USP20: variants seen among roughly 807,000 people sequenced by gnomAD.
The protein encoded by USP20 is ubiquitin carboxyl-terminal hydrolase 20.
Under a neutral mutation model 124.2 loss-of-function variants are expected in USP20, and 80 were observed. That is an observed-to-expected ratio of 0.64 (90% confidence interval 0.54 to 0.78). The LOEUF is 0.78. Among genes scored for constraint, USP20 ranks in the 30% least tolerant of loss-of-function variants. The pLI is 0.00. For synonymous variants in USP20, 481 were observed against 512.3 expected, an observed-to-expected ratio of 0.94 and a Z score of 0.83; for missense variants, 1,043 against 1,244.4, an observed-to-expected ratio of 0.84 and a Z score of 2.44.
In USP20 at chr9:129,875,606, C is replaced by A; in HGVS notation, c.2265C>A (p.Ile755=). The change falls in exon 21 of 26, where the codon ATC becomes ATA. Residue 755 remains isoleucine, a synonymous_variant. Transcript: ENST00000372429. ...ACTACATCGACGACCTGGTGGTCAT[C>A]CTGCCCCAGAACGTCTGGGAGCACC... The part of the protein sequence containing the change: ...KYHYIDDLVV[I]LPQNVWEHLY... 2 of 1,614,090 alleles carry A rather than the reference C, an allele frequency of 1.2e-6. No homozygotes were observed. The highest frequency in any genetic ancestry group is 2.2e-5 in the South Asian group (2 of 91,084).
chr9:129,852,872 A>C (rs1028375217), intron 3 of USP20, among the ~76,000 whole-genome samples: 1 of 152,160 alleles, frequency 6.6e-6, no homozygotes, highest in African/African-American at 2.4e-5. Flanking sequence ...CTCTCTGTCC[A>C]TTAGCTGTTG....
At chr9:129,851,956 A>G (rs765778149) in intron 2 of USP20, among the ~76,000 whole-genome samples, 30 of 152,222 alleles carry the variant, frequency 2.0e-4, no homozygotes, top group Non-Finnish European at 3.7e-4. Flanking sequence ...GCAGTGCTGC[A>G]TGGCCTGCTC....
rs534870090 is a variant in USP20, at chr9:129,861,667, ACAG to A, written c.497+62_497+64del. On this transcript the variant is annotated intron_variant, in intron 8 of 25. Transcript: ENST00000372429. ...AGCTGTCCCTGGCAAAGCCCCGGAA[ACAG>A]CAGCAGTAGCAGCCCCCAGCCGGTT... 1.4e-4 allele frequency: 220 copies of A among 1,564,370 alleles called. 1 individual carries two copies. In the African/African-American group the frequency reaches 2.6e-3, roughly 19 times the overall value.
chr9:129,870,186 C>A, intron 14 of USP20: 1 of 565,552 alleles, frequency 1.8e-6, no homozygotes, highest in Non-Finnish European at 3.2e-6. Context: ...AGGCCAGAGA[C>A]CCGCATGACC....
At chr9:129,876,634 A>G (rs1284473198) in intron 22 of USP20, among the ~76,000 whole-genome samples, 6 of 58,336 alleles carry the variant, frequency 1.0e-4, no homozygotes, top group Non-Finnish European at 2.4e-4. Flanking sequence ...GTAAGACTCC[A>G]TCTCAAAAAA....
In USP20 at chr9:129,879,114, G is replaced by A. The variant is rs1053641760; in HGVS notation, c.2513-459G>A. On this transcript the variant is annotated intron_variant, in intron 23 of 25. Transcript: ENST00000372429. This position sits in a 1 kb window ranked among gnomAD's most constrained non-coding sequence, Gnocchi z 4.2. ...GGTGGCTGAGGCCTTCAGCATGGCT[G>A]TGGTTGAGAATGTAGCTCCGGAGCC... Among the ~76,000 whole-genome samples the A allele has an allele frequency of 6.6e-6, 1 of 152,228 alleles. No individual in the cohort carries two copies.
At chr9:129,837,518 T>G (rs2031932468) in intron 1 of USP20, among the ~76,000 whole-genome samples, 1 of 150,938 alleles carries the variant, frequency 6.6e-6, no homozygotes, top group Non-Finnish European at 1.5e-5. Context: ...ATCAATGTAT[T>G]CAACAGATTC....
intron 15 of USP20, among the ~76,000 whole-genome samples, chr9:129,870,990 C>T (rs1285019801): frequency 2.6e-5 from 4 of 151,776 alleles, no homozygotes; most frequent in African/African-American, 9.7e-5. Context: ...TTCCAATTTT[C>T]AATTGCGATA....
chr9:129,869,358 G>A lies in USP20; in HGVS notation c.1325G>A (p.Arg442His), dbSNP rs753314586. 20 of 1,613,620 alleles carry A rather than the reference G, an allele frequency of 1.2e-5. No individual in the cohort carries two copies. Among genetic ancestry groups the A allele is most frequent in the South Asian group, 2.2e-5 (2 of 91,092 alleles). The change falls in exon 13 of 26, where the codon CGC becomes CAC. Residue 442 changes from arginine to histidine, a missense_variant. Coordinates refer to ENST00000372429, the MANE Select transcript of USP20 (RefSeq NM_001110303.4). ...GSRRRKEQRY[R>H]SVISDIFDGS... ...CGGAGGCGGAAGGAGCAGCGCTACC[G>A]CAGCGTCATCTCAGACATCTTTGAC...
chr9:129,874,104 G>T (rs1225878610), intron 17 of USP20, among the ~76,000 whole-genome samples: 1 of 152,184 alleles, frequency 6.6e-6, no homozygotes, highest in East Asian at 1.9e-4. Context: ...CTGTTGCCAG[G>T]GGTCTTTCTG....
chr9:129,858,738 T>C, intron 6 of USP20, 140 bp downstream of exon 6: 1 of 1,283,774 alleles, frequency 7.8e-7, no homozygotes, highest in Non-Finnish European at 1.1e-6. Context: ...TCAGGTGACT[T>C]TGAGGAGCTC....
Position 129,857,943 on chromosome 9 carries a change from CT to C in USP20, c.136-106del. On this transcript the variant is annotated intron_variant, in intron 4 of 25. Coordinates refer to ENST00000372429, the MANE Select transcript of USP20 (RefSeq NM_001110303.4). ...GCAGAGCCTCAGTCCCTTGTGGCCC[CT>C]ATTCAGGAGAGGTAGGGGCACTGAC... is the stretch of plus-strand genomic sequence containing the variant. 3 of 975,944 alleles carry C rather than the reference CT, an allele frequency of 3.1e-6. No homozygotes were observed. The Admixed American group carries it at 5.3e-5, about 17-fold the overall frequency. 60.5% of individuals were successfully genotyped at this position (975,944 alleles called of 1,614,324 possible).
chr9:129,880,842 AAGAC>A lies in USP20; in HGVS notation c.*393_*396del, dbSNP rs1385393588. The A allele has an allele frequency of 6.5e-6, 1 of 154,310 alleles. No homozygotes were observed. The highest frequency in any genetic ancestry group is 6.3e-5 in the Admixed American group (1 of 15,768). The allele number at this position is 154,310 out of a possible 1,614,324, so 9.6% of individuals were successfully genotyped here. A position where few individuals can be genotyped will look rare whatever the true frequency, so the allele number is the denominator to read the frequency against. On this transcript the variant is annotated 3_prime_UTR_variant, in exon 26 of 26. Coordinates refer to ENST00000372429, the MANE Select transcript of USP20 (RefSeq NM_001110303.4). ...ACTGTGCGATTGGCCCGGAGCCCCG[AAGAC>A]TCGGAGGGAGCTGCTCAGGGCCGGT...
At chr9:129,841,196 A>G (rs1454638947) in intron 1 of USP20, among the ~76,000 whole-genome samples, 2 of 152,250 alleles carry the variant, frequency 1.3e-5, no homozygotes, top group Non-Finnish European at 2.9e-5. Context: ...TAGACGTCTC[A>G]GATCAAGGTG....
At chr9:129,849,692 G>A (rs2032788655) in intron 1 of USP20, 121 bp from the exon 2 acceptor site, 1 of 152,428 alleles carries the variant, frequency 6.6e-6, no homozygotes, top group Non-Finnish European at 1.5e-5. Flanking sequence ...GAGCCTAGAA[G>A]GTCAAGGCTG....
At chr9:129,878,853 A>T (rs900188021) in intron 23 of USP20, among the ~76,000 whole-genome samples, 44 of 152,262 alleles carry the variant, frequency 2.9e-4, no homozygotes, top group African/African-American at 9.2e-4. Context: ...GAACCAAGCC[A>T]TGGAAGCCCA....
In USP20 at chr9:129,863,305, C is replaced by T. The variant is rs374641974; in HGVS notation, c.611+6C>T. On this transcript the variant is annotated splice_donor_region_variant and intron_variant, in intron 9 of 25. Coordinates refer to ENST00000372429, the MANE Select transcript of USP20 (RefSeq NM_001110303.4). ...GAGGTCTGGCATAAGAAACGGTGAG[C>T]AGCTGCATCCCTAGCCTTGGGCGGT... The T allele has an allele frequency of 1.4e-4, 221 of 1,540,092 alleles. No homozygotes were observed. The highest frequency in any genetic ancestry group is 1.9e-4 in the Non-Finnish European group (214 of 1,137,602).
intron 1 of USP20, among the ~76,000 whole-genome samples, chr9:129,840,052 T>C (rs1214342075): frequency 6.6e-6 from 1 of 152,038 alleles, no homozygotes; most frequent in East Asian, 1.9e-4. Flanking sequence ...CATCCTGTGC[T>C]CTCCTGCCCC....
At chr9:129,878,163 G>T (rs983910844) in intron 22 of USP20, among the ~76,000 whole-genome samples, 175 bp from the exon 23 acceptor site, 4 of 152,218 alleles carry the variant, frequency 2.6e-5, no homozygotes, top group Admixed American at 6.5e-5. Flanking sequence ...TGAGTGATGG[G>T]TGTGTTCATT....
Sources: allele counts gnomAD v4.1 joint callset (sites outside exome capture counted in the v4.1 genomes callset), GRCh38; gene constraint gnomAD v4.1.1; non-coding constraint Gnocchi (gnomAD v3.1); transcripts MANE v1.5; gene names NCBI Gene and HGNC (gene_info 2026-07-23, HGNC 2026-07-21).